HK2: variants seen among roughly 807,000 people sequenced by gnomAD.
HK2 encodes the protein hexokinase-2.
Under a neutral mutation model 92.9 loss-of-function variants are expected in HK2, and 42 were observed. The ratio of observed to expected loss-of-function variants is 0.45; its 90% confidence interval spans 0.35 to 0.58. The LOEUF (loss-of-function observed/expected upper bound fraction) is 0.58. Among genes scored for constraint, HK2 ranks in the 20% least tolerant of loss-of-function variants. The pLI is 0.00. For synonymous variants in HK2, 422 were observed against 468.0 expected, an observed-to-expected ratio of 0.90 and a Z score of 1.27; for missense variants, 978 against 1,245.1, an observed-to-expected ratio of 0.79 and a Z score of 3.23.
chr2:74,834,867 G>A lies in HK2; in HGVS notation c.63+224G>A, dbSNP rs1688114310. 6.6e-6 allele frequency among the ~76,000 whole-genome samples: 1 copy of A among 152,010 alleles called. No individual in the cohort carries two copies. Among genetic ancestry groups the A allele is most frequent in the Non-Finnish European group, 1.5e-5 (1 of 67,960 alleles). ...GAGCCGAGGTCGCGCTCCGCCGGGCGCCCTCCCTCCCTGAGCTCCGGCACG... is the reference window on the plus strand; with the variant it reads ...GAGCCGAGGTCGCGCTCCGCCGGGCACCCTCCCTCCCTGAGCTCCGGCACG... On this transcript the variant is annotated intron_variant, in intron 1 of 17. Transcript: ENST00000290573. The surrounding 1 kb of genome is among the most constrained non-coding windows in gnomAD (Gnocchi z 4.2).
At position 74,881,808 on chromosome 2, in the gene HK2, C is replaced by T. The variant is rs755540949; in HGVS notation, c.1668C>T (p.His556=). The T allele has an allele frequency of 6.2e-6, 10 of 1,614,046 alleles. No homozygotes were observed. The highest frequency in any genetic ancestry group is 8.5e-6 in the Non-Finnish European group (10 of 1,180,034). Reference sequence around the variant, plus strand: ...GGAAGTGGGGTGGAGTGGAGATGCACAACAAGATCTACGCCATCCCGCAGG... The same window carrying T: ...GGAAGTGGGGTGGAGTGGAGATGCATAACAAGATCTACGCCATCCCGCAGG... ...RNGKWGGVEM[H]NKIYAIPQEV... is the part of the protein sequence containing the mutation. Residue 556 remains histidine, a synonymous_variant, in exon 11 of 18, where the codon CAC becomes CAT. Transcript: ENST00000290573.
At position 74,864,612 on chromosome 2, in the gene HK2, T is replaced by A. The variant is rs141131629; in HGVS notation, c.227-3024T>A. 4.8e-3 allele frequency among the ~76,000 whole-genome samples: 729 copies of A among 152,308 alleles called. 5 individuals are homozygous for A. The highest frequency in any genetic ancestry group is 0.017 in the African/African-American group (701 of 41,560). On this transcript the variant is annotated intron_variant, in intron 2 of 17. Transcript: ENST00000290573. ...ACCTCCACTTCCTGGGTTCTAGTGA[T>A]TCTCTTGCCTCAGCCTCCCAAGTAA...
chr2:74,860,220 A>T (rs1688792823), intron 2 of HK2, among the ~76,000 whole-genome samples: 2 of 151,912 alleles, frequency 1.3e-5, no homozygotes, highest in African/African-American at 4.8e-5. Flanking sequence ...GGTGGTGTGG[A>T]TGATGAGAAA....
intron 1 of HK2, among the ~76,000 whole-genome samples, chr2:74,845,345 G>T (rs1184102868): frequency 6.6e-6 from 1 of 152,202 alleles, no homozygotes; most frequent in Non-Finnish European, 1.5e-5. Context: ...CTGTTGGCAG[G>T]TGAACTGTGC....
chr2:74,854,922 A>AT (rs754407199), intron 2 of HK2, among the ~76,000 whole-genome samples: 19 of 152,098 alleles, frequency 1.2e-4, no homozygotes, highest in Non-Finnish European at 2.5e-4. Flanking sequence ...ATTGACCTAG[A>AT]TTTTTTTCTT....
intron 17 of HK2, among the ~76,000 whole-genome samples, 184 bp from the exon 18 acceptor site, chr2:74,890,613 C>G (rs115412022): frequency 3.9e-5 from 6 of 152,290 alleles, no homozygotes; most frequent in African/African-American, 1.4e-4. Flanking sequence ...TGTCTCCAAG[C>G]CACGGTTTTC....
rs889865783 is a variant in HK2 at position 74,881,997 on chromosome 2, G to A, written c.1720-123G>A. 6.3e-6 allele frequency: 9 copies of A among 1,419,222 alleles called. No homozygotes were observed. The African/African-American group carries it at 1.3e-4, about 20-fold the overall frequency. 87.9% of individuals were successfully genotyped at this position (1,419,222 alleles called of 1,614,324 possible). A position where few individuals can be genotyped will look rare whatever the true frequency, so the allele number is the denominator to read the frequency against. On this transcript the variant is annotated intron_variant, in intron 11 of 17. Transcript: ENST00000290573. ...GGGCTGCAGCCTGGTCTTGACTCAG[G>A]TTTGTGCCTGAGCCTGCATTTCTTC... is the stretch of plus-strand genomic sequence containing the variant.
intron 1 of HK2, among the ~76,000 whole-genome samples, chr2:74,845,636 C>T (rs1029723767): frequency 1.3e-5 from 2 of 152,238 alleles, no homozygotes; most frequent in East Asian, 1.9e-4. Flanking sequence ...TACCCGCTGC[C>T]TCGGGTTTGT....
At chr2:74,887,602 T>C (rs1169622418) in intron 15 of HK2, among the ~76,000 whole-genome samples, 1 of 152,052 alleles carries the variant, frequency 6.6e-6, no homozygotes, top group Non-Finnish European at 1.5e-5. Context: ...TCTTGAAATT[T>C]CGAAATAAGC....
chr2:74,852,714 G>A (rs1469236391), intron 1 of HK2, among the ~76,000 whole-genome samples: 1 of 152,022 alleles, frequency 6.6e-6, no homozygotes, highest in Non-Finnish European at 1.5e-5. Flanking sequence ...CAAAAAACGA[G>A]TGAGAGTTAT....
Position 74,834,772 on chromosome 2 carries a change from G to T in HK2, c.63+129G>T. The T allele has an allele frequency of 9.8e-7, 1 of 1,020,336 alleles. No homozygotes were observed. 63.2% of individuals were successfully genotyped at this position (1,020,336 alleles called of 1,614,324 possible). A position where few individuals can be genotyped will look rare whatever the true frequency, so the allele number is the denominator to read the frequency against. ...GGGCCTGGGAGCGGAAAAAGTTTGG[G>T]CAGCCGGGACACTCCTGGGCGCCAG... On this transcript the variant is annotated intron_variant, in intron 1 of 17. Coordinates refer to ENST00000290573, the MANE Select transcript of HK2 (RefSeq NM_000189.5). The surrounding 1 kb of genome is among the most constrained non-coding windows in gnomAD (Gnocchi z 4.2).
intron 3 of HK2, among the ~76,000 whole-genome samples, chr2:74,868,779 A>G (rs928367634): frequency 1.3e-5 from 2 of 152,230 alleles, no homozygotes; most frequent in African/African-American, 2.4e-5. Flanking sequence ...ACAAAATAAC[A>G]TCTAAAGTTT....
chr2:74,881,563 A>G (rs1455535472), intron 10 of HK2, 148 bp from the exon 11 acceptor site: 6 of 845,600 alleles, frequency 7.1e-6, no homozygotes, highest in Non-Finnish European at 1.2e-5. Flanking sequence ...AGGGAGCTGG[A>G]CTCTTCTGTT....
chr2:74,883,695 T>G (rs576918411), intron 12 of HK2, among the ~76,000 whole-genome samples: 1 of 152,358 alleles, frequency 6.6e-6, no homozygotes, highest in East Asian at 1.9e-4. Context: ...AGTCTGGCAT[T>G]TCTCAACACC....
chr2:74,840,663 C>G (rs1001609104), intron 1 of HK2, among the ~76,000 whole-genome samples: 6 of 145,632 alleles, frequency 4.1e-5, no homozygotes, highest in African/African-American at 7.7e-5. Context: ...GTCAGGATAT[C>G]AAGACCATCC....
intron 2 of HK2, among the ~76,000 whole-genome samples, chr2:74,861,633 A>G (rs917224454): frequency 1.3e-5 from 2 of 152,202 alleles, no homozygotes; most frequent in Admixed American, 1.3e-4. Context: ...GTAAGCATAG[A>G]TAGTCCTGAC....
rs751063112 is a variant in HK2 at position 74,882,103 on chromosome 2, C to T, written c.1720-17C>T. The T allele has an allele frequency of 6.2e-7, 1 of 1,613,790 alleles. No homozygotes were observed. The highest frequency in any genetic ancestry group is 8.5e-7 in the Non-Finnish European group (1 of 1,179,906). ...TGCCCAGGGCCCCTCCCTCAGTGTC[C>T]TAACTTCTCCCTGCAGCTCTTTGAC... On this transcript the variant is annotated splice_polypyrimidine_tract_variant and intron_variant, in intron 11 of 17. Transcript: ENST00000290573.
rs181865505 is a variant in HK2, at chr2:74,892,053, A to T, written c.*1112A>T. 7.2e-5 allele frequency: 11 copies of T among 152,772 alleles called. No homozygotes were observed. The highest frequency in any genetic ancestry group is 2.6e-4 in the African/African-American group (11 of 41,574). 9.5% of individuals were successfully genotyped at this position (152,772 alleles called of 1,614,324 possible). On this transcript the variant is annotated 3_prime_UTR_variant, in exon 18 of 18. Coordinates refer to ENST00000290573, the MANE Select transcript of HK2 (RefSeq NM_000189.5). ...AGGGACAGAGATGGAGGCCGAGCCA[A>T]TAGACTGAAGAGACCACAGCAATTG...
At chr2:74,890,356 G>A (rs540787154) in intron 17 of HK2, among the ~76,000 whole-genome samples, 5 of 152,328 alleles carry the variant, frequency 3.3e-5, no homozygotes, top group African/African-American at 1.2e-4. Context: ...GAGCACATGT[G>A]GCTCTGATAT....
Sources: allele counts gnomAD v4.1 joint callset (sites outside exome capture counted in the v4.1 genomes callset), GRCh38; gene constraint gnomAD v4.1.1; non-coding constraint Gnocchi (gnomAD v3.1); transcripts MANE v1.5; gene names NCBI Gene and HGNC (gene_info 2026-07-23, HGNC 2026-07-21).